Variants in PARP11 observed in about 807,000 individuals in gnomAD.
PARP11 encodes the protein poly(ADP-ribose) polymerase family member 11.
PARP11 carries 31 observed loss-of-function variants against 42.9 expected under a neutral mutation model. The ratio of observed to expected loss-of-function variants is 0.72; its 90% CI spans 0.54 to 0.98. The LOEUF is 0.98. PARP11 is among the 50% of genes least tolerant of loss of function. PARP11 has a pLI of 0.00. For synonymous variants in PARP11, 137 were observed against 127.3 expected, an observed-to-expected ratio of 1.08 and a Z score of -0.51; for missense variants, 365 against 413.1, an observed-to-expected ratio of 0.88 and a Z score of 1.01.
At chr12:3,870,559 G>A (rs1948458012) in intron 1 of PARP11, among the ~76,000 whole-genome samples, 1 of 152,190 alleles carries the variant, frequency 6.6e-6, no homozygotes, top group Non-Finnish European at 1.5e-5. Context: ...TGTGACGCAG[G>A]AGGGAAAATT....
At chr12:3,837,641 G>A (rs1267536348) in intron 1 of PARP11, among the ~76,000 whole-genome samples, 1 of 151,352 alleles carries the variant, frequency 6.6e-6, no homozygotes, top group Non-Finnish European at 1.5e-5. Flanking sequence ...TCGAATTAAA[G>A]AGCACAGAGT....
rs1420486389 is a variant in PARP11 at position 3,809,816 on chromosome 12, T to C, written c.*2307A>G. 3 of 152,190 alleles carry C rather than the reference T, an allele frequency of 2.0e-5. No individual in the cohort carries two copies. The highest frequency in any genetic ancestry group is 1.3e-4 in the Admixed American group (2 of 15,276). 9.4% of individuals were successfully genotyped at this position (152,190 alleles called of 1,614,324 possible). On this transcript the variant is annotated 3_prime_UTR_variant, in exon 8 of 8. Coordinates refer to ENST00000228820, the MANE Select transcript of PARP11 (RefSeq NM_020367.6). ...CTCACAAAGCAGCCTAGTGACTTTGTCTCCAATTATTTTCATGATAATCTC... is the reference window on the plus strand; with the variant it reads ...CTCACAAAGCAGCCTAGTGACTTTGCCTCCAATTATTTTCATGATAATCTC...
chr12:3,852,901 C>T (rs1057490526), intron 1 of PARP11, among the ~76,000 whole-genome samples: 3 of 152,136 alleles, frequency 2.0e-5, no homozygotes, highest in African/African-American at 7.2e-5. Flanking sequence ...AGGTTACCCA[C>T]AAAGGGAAGC....
chr12:3,872,204 TTTA>T (rs1188285725), intron 1 of PARP11, among the ~76,000 whole-genome samples: 2 of 152,160 alleles, frequency 1.3e-5, no homozygotes, highest in Non-Finnish European at 2.9e-5. Context: ...CCTTCCTCAG[TTTA>T]TTAACATTAG....
At chr12:3,839,942 CT>C in intron 1 of PARP11, 2 of 1,192,132 alleles carry the variant, frequency 1.7e-6, no homozygotes, top group Non-Finnish European at 2.5e-6. Flanking sequence ...AGTAAAACTG[CT>C]GTTGCTGCTG....
chr12:3,839,358 C>T, intron 1 of PARP11: 1 of 1,537,992 alleles, frequency 6.5e-7, no homozygotes, highest in South Asian at 1.2e-5. Context: ...CGGGGCCCCG[C>T]GAGGACGCGA....
chr12:3,864,450 C>T (rs779418904), intron 1 of PARP11, among the ~76,000 whole-genome samples: 1 of 152,132 alleles, frequency 6.6e-6, no homozygotes, highest in Non-Finnish European at 1.5e-5. Context: ...TGAAGTATTA[C>T]CTCCTCTTCC....
Position 3,829,048 on chromosome 12 carries a change from A to G in PARP11, c.148-18T>C, listed in dbSNP as rs768675666. On this transcript the variant is annotated intron_variant, in intron 2 of 7. Coordinates refer to ENST00000228820, the MANE Select transcript of PARP11 (RefSeq NM_020367.6). Reference sequence around the variant, plus strand: ...GTATCCGGCTTTAAGACAAACCAGAAAGTTTCATTTACCAGCTGTTCACAT... The same window carrying G: ...GTATCCGGCTTTAAGACAAACCAGAGAGTTTCATTTACCAGCTGTTCACAT... 17 of 1,613,240 alleles carry G rather than the reference A, an allele frequency of 1.1e-5. 1 individual carries two copies. Among genetic ancestry groups the G allele is most frequent in the Non-Finnish European group, 1.4e-5 (17 of 1,179,578 alleles).
Position 3,840,553 on chromosome 12 carries a change from A to G in PARP11, c.19-10535T>C. On this transcript the variant is annotated intron_variant, in intron 1 of 7. Transcript: ENST00000228820. This position sits in a 1 kb window ranked among gnomAD's most constrained non-coding sequence, Gnocchi z 4.4. Reference sequence around the variant, plus strand: ...TCTTAGCCGGACACCTTCACAGATCATAAGAAAACCTGATCGTGAAAGAGT... The same window carrying G: ...TCTTAGCCGGACACCTTCACAGATCGTAAGAAAACCTGATCGTGAAAGAGT... 3 of 1,586,426 alleles carry G rather than the reference A, an allele frequency of 1.9e-6. No individual in the cohort carries two copies. The highest frequency in any genetic ancestry group is 1.7e-6 in the Non-Finnish European group (2 of 1,154,764).
intron 1 of PARP11, chr12:3,841,560 C>T (rs561284037): frequency 7.7e-5 from 124 of 1,605,732 alleles, no homozygotes; most frequent in Non-Finnish European, 1.0e-4. Context: ...CTCTGGTTAT[C>T]CCTCCATCTC....
chr12:3,822,982 A>T (rs1947431607), intron 4 of PARP11, among the ~76,000 whole-genome samples: 1 of 152,216 alleles, frequency 6.6e-6, no homozygotes, highest in African/African-American at 2.4e-5. Flanking sequence ...TTATTAGCAC[A>T]GTCAGTCAGT....
At chr12:3,849,963 T>C (rs1416318465) in intron 1 of PARP11, among the ~76,000 whole-genome samples, 1 of 148,636 alleles carries the variant, frequency 6.7e-6, no homozygotes, top group East Asian at 1.9e-4. Flanking sequence ...TATCAACTTT[T>C]TAAATATGTA....
intron 3 of PARP11, 109 bp from the exon 4 acceptor site, chr12:3,826,342 G>C: frequency 1.4e-6 from 1 of 705,914 alleles, no homozygotes; most frequent in Non-Finnish European, 2.2e-6. Context: ...ATGGAGCTTC[G>C]GGAGTAGCTG....
intron 4 of PARP11, among the ~76,000 whole-genome samples, 172 bp downstream of exon 4, chr12:3,825,986 C>T (rs1947512993): frequency 6.6e-6 from 1 of 152,124 alleles, no homozygotes; most frequent in African/African-American, 2.4e-5. Flanking sequence ...GCCTCGGCCT[C>T]CCAAAGTGCT....
chr12:3,846,713 C>T (rs567664047), intron 1 of PARP11, among the ~76,000 whole-genome samples: 191 of 150,148 alleles, frequency 1.3e-3, no homozygotes, highest in African/African-American at 3.8e-3. Flanking sequence ...GCCAAGATTG[C>T]GCCACTGCAC....
At chr12:3,829,764 G>C in intron 2 of PARP11, 126 bp downstream of exon 2, 1 of 988,124 alleles carries the variant, frequency 1.0e-6, no homozygotes, top group Non-Finnish European at 1.5e-6. Flanking sequence ...TTTTCTTTTA[G>C]TTAAACAATT....
chr12:3,840,839 C>T lies in PARP11; in HGVS notation c.19-10821G>A. ...TCAAAGTCAAAGAAGTTAGAGTGCCCTTCTCCTGCAGAACAAAAGCCAGCA... is the reference window on the plus strand; with the variant it reads ...TCAAAGTCAAAGAAGTTAGAGTGCCTTTCTCCTGCAGAACAAAAGCCAGCA... On this transcript the variant is annotated intron_variant, in intron 1 of 7. Coordinates refer to ENST00000228820, the MANE Select transcript of PARP11 (RefSeq NM_020367.6). This position sits in a 1 kb window ranked among gnomAD's most constrained non-coding sequence, Gnocchi z 4.4. The T allele has an allele frequency of 6.3e-7, 1 of 1,598,564 alleles. No homozygotes were observed. The highest frequency in any genetic ancestry group is 8.6e-7 in the Non-Finnish European group (1 of 1,165,864).
rs1947863353 is a variant in PARP11 at position 3,840,515 on chromosome 12, G to A, written c.19-10497C>T. The A allele has an allele frequency of 2.5e-5, 41 of 1,612,428 alleles. No homozygotes were observed. Among genetic ancestry groups the A allele is most frequent in the Non-Finnish European group, 3.5e-5 (41 of 1,178,420 alleles). ...GGGTCACAGTCTCAGAAATTCTCCAGTGAGCACAAAAATCTTAGCCGGACA... is the reference window on the plus strand; with the variant it reads ...GGGTCACAGTCTCAGAAATTCTCCAATGAGCACAAAAATCTTAGCCGGACA... On this transcript the variant is annotated intron_variant, in intron 1 of 7. Coordinates refer to ENST00000228820, the MANE Select transcript of PARP11 (RefSeq NM_020367.6). The surrounding 1 kb of genome is among the most constrained non-coding windows in gnomAD (Gnocchi z 4.4).
At chr12:3,865,370 C>A (rs1948373188) in intron 1 of PARP11, among the ~76,000 whole-genome samples, 1 of 152,118 alleles carries the variant, frequency 6.6e-6, no homozygotes, top group African/African-American at 2.4e-5. Context: ...CCAAGCAGAT[C>A]AAGTTAGTTG....
Sources: gnomAD v4.1 joint callset for allele counts (sites outside exome capture counted in the v4.1 genomes callset) on GRCh38, gnomAD v4.1.1 for gene constraint, Gnocchi (gnomAD v3.1) non-coding constraint, MANE v1.5 for transcripts, NCBI Gene and HGNC (gene_info 2026-07-23, HGNC 2026-07-21) for gene names.